Variants in HOOK3 observed in about 807,000 individuals in gnomAD.
The protein encoded by HOOK3 is hook microtubule tethering protein 3, also known as protein Hook homolog 3.
HOOK3 carries 24 observed loss-of-function variants against 116.3 expected under a neutral mutation model. That is an observed-to-expected ratio of 0.21 (90% CI 0.15 to 0.29). The LOEUF (loss-of-function observed/expected upper bound fraction) is 0.29, where lower values mean the gene tolerates loss of function less well. Ranked by LOEUF, HOOK3 falls within the 10% of genes least tolerant of loss-of-function variation. The pLI is 1.00. For missense variants in HOOK3, 632 were observed against 830.2 expected (o/e 0.76, Z 2.93); for synonymous variants, 275 against 283.0 (o/e 0.97, Z 0.28).
intron 9 of HOOK3, among the ~76,000 whole-genome samples, chr8:42,965,110 G>T (rs777866153): frequency 3.9e-5 from 6 of 152,226 alleles, no homozygotes; most frequent in Non-Finnish European, 8.8e-5. Context: ...TTGTGAAGGG[G>T]CCTGAAGGCG....
intron 13 of HOOK3, among the ~76,000 whole-genome samples, chr8:42,975,678 G>A (rs539780736): frequency 5.3e-5 from 8 of 152,212 alleles, no homozygotes; most frequent in Non-Finnish European, 1.2e-4. Flanking sequence ...CAAAAGTAGT[G>A]TAATAGAGGT....
chr8:43,006,897 A>T (rs1809501996), intron 17 of HOOK3, among the ~76,000 whole-genome samples: 2 of 151,988 alleles, frequency 1.3e-5, no homozygotes, highest in Non-Finnish European at 2.9e-5. Flanking sequence ...ATTAAATATG[A>T]TAAAGGGAAA....
At chr8:42,987,505 T>C (rs1271442838) in intron 15 of HOOK3, among the ~76,000 whole-genome samples, 3 of 152,200 alleles carry the variant, frequency 2.0e-5, no homozygotes, top group Non-Finnish European at 2.9e-5. Flanking sequence ...TGGAGCTCTG[T>C]TGGTGTGGGG....
intron 2 of HOOK3, among the ~76,000 whole-genome samples, chr8:42,919,813 G>A (rs1348203428): frequency 2.0e-5 from 3 of 152,266 alleles, no homozygotes; most frequent in East Asian, 3.9e-4. Context: ...GTGGCGGTGC[G>A]CGCCTGCAAT....
intron 16 of HOOK3, among the ~76,000 whole-genome samples, chr8:43,001,521 A>G (rs1809380581): frequency 6.6e-6 from 1 of 151,908 alleles, no homozygotes; most frequent in Non-Finnish European, 1.5e-5. Context: ...TTTTTAGGTC[A>G]ATTTTGATCT....
intron 6 of HOOK3, among the ~76,000 whole-genome samples, chr8:42,951,726 A>C (rs542365667): frequency 6.6e-6 from 1 of 152,220 alleles, no homozygotes; most frequent in East Asian, 1.9e-4. Context: ...GCGGATCACG[A>C]GGTCAAGAGA....
intron 14 of HOOK3, among the ~76,000 whole-genome samples, 191 bp downstream of exon 14, chr8:42,982,887 T>C (rs1808978795): frequency 6.6e-6 from 1 of 152,238 alleles, no homozygotes; most frequent in South Asian, 2.1e-4. Context: ...ATTGATTTGC[T>C]CACTTCAATA....
At position 43,020,643 on chromosome 8, in the gene HOOK3, G is replaced by A. The variant is rs1686889773; in HGVS notation, c.*2145G>A. ...GCAGGAGAGTCACTTGAACTCAGGA[G>A]CCAGAGACTGCAGTGAGCTGAGATC... is the stretch of plus-strand genomic sequence containing the variant. On this transcript the variant is annotated 3_prime_UTR_variant, in exon 22 of 22. Coordinates refer to ENST00000307602, the MANE Select transcript of HOOK3 (RefSeq NM_032410.4). 1.1e-5 allele frequency: 2 copies of A among 174,890 alleles called. No homozygotes were observed. Among genetic ancestry groups the A allele is most frequent in the African/African-American group, 2.4e-5 (1 of 42,074 alleles). 10.8% of individuals were successfully genotyped at this position (174,890 alleles called of 1,614,324 possible).
At chr8:43,013,476 G>T in intron 21 of HOOK3, 76 bp downstream of exon 21, 2 of 1,183,260 alleles carry the variant, frequency 1.7e-6, no homozygotes, top group East Asian at 5.0e-5. Context: ...CTTTACTGTA[G>T]AAGTCACTCT....
intron 13 of HOOK3, among the ~76,000 whole-genome samples, chr8:42,981,678 G>A (rs1172489026): frequency 1.3e-5 from 2 of 151,804 alleles, no homozygotes; most frequent in Non-Finnish European, 2.9e-5. Context: ...TAGGTCAGGA[G>A]TTTGAGACCA....
At chr8:42,979,652 C>G (rs530013906) in intron 13 of HOOK3, among the ~76,000 whole-genome samples, 3 of 152,118 alleles carry the variant, frequency 2.0e-5, no homozygotes, top group African/African-American at 7.2e-5. Context: ...TATTAATCAG[C>G]TCTCTTCTTG....
At chr8:42,948,556 T>G (rs968818889) in intron 5 of HOOK3, among the ~76,000 whole-genome samples, 1 of 152,186 alleles carries the variant, frequency 6.6e-6, no homozygotes, top group South Asian at 2.1e-4. Context: ...TGTTATTTCC[T>G]TCACTTTCAA....
chr8:42,997,714 T>G (rs1809306189), intron 16 of HOOK3, 77 bp downstream of exon 16: 1 of 844,590 alleles, frequency 1.2e-6, no homozygotes, highest in African/African-American at 1.7e-5. Context: ...TTATTTGATG[T>G]TTTTTGTCAA....
intron 19 of HOOK3, among the ~76,000 whole-genome samples, chr8:43,011,429 C>A (rs1372749701): frequency 6.6e-6 from 1 of 151,602 alleles, no homozygotes; most frequent in Non-Finnish European, 1.5e-5. Context: ...TTTAAAATAG[C>A]CTCCCAAATA....
rs182449505 is a variant in HOOK3, at chr8:42,928,144, T to C, written c.217-1978T>C. Among the ~76,000 whole-genome samples the C allele has an allele frequency of 2.0e-4, 31 of 152,234 alleles. No homozygotes were observed. In the East Asian group the frequency reaches 6.0e-3, roughly 29 times the overall value. ...AAATACAAAAATTAGCTGGACATGG[T>C]GTTGCACGCCTATAGTCCCAGCTAC... is the stretch of plus-strand genomic sequence containing the variant. On this transcript the variant is annotated intron_variant, in intron 3 of 21. Coordinates refer to ENST00000307602, the MANE Select transcript of HOOK3 (RefSeq NM_032410.4).
chr8:42,934,667 T>C (rs1807932910), intron 4 of HOOK3, among the ~76,000 whole-genome samples: 1 of 152,156 alleles, frequency 6.6e-6, no homozygotes, highest in African/African-American at 2.4e-5. Flanking sequence ...CTTGTGATAG[T>C]TTGCTCAGAA....
At chr8:42,925,252 C>T (rs1214499259) in intron 2 of HOOK3, among the ~76,000 whole-genome samples, 2 of 151,842 alleles carry the variant, frequency 1.3e-5, no homozygotes, top group African/African-American at 2.4e-5. Context: ...CATGTCCCAC[C>T]ACACCCGGCT....
At chr8:42,990,664 C>A (rs1177722427) in intron 15 of HOOK3, among the ~76,000 whole-genome samples, 1 of 151,886 alleles carries the variant, frequency 6.6e-6, no homozygotes. Flanking sequence ...TTTTTAAAAT[C>A]GGATTATTGG....
chr8:42,952,702 A>G (rs1808364726), intron 6 of HOOK3, among the ~76,000 whole-genome samples: 1 of 152,232 alleles, frequency 6.6e-6, no homozygotes, highest in Non-Finnish European at 1.5e-5. Flanking sequence ...AAGCTTTTAA[A>G]GAGTTCATTG....
Sources: gnomAD v4.1 joint callset for allele counts (sites outside exome capture counted in the v4.1 genomes callset) on GRCh38, gnomAD v4.1.1 for gene constraint, MANE v1.5 for transcripts, NCBI Gene and HGNC (gene_info 2026-07-23, HGNC 2026-07-21) for gene names.